Variants in TENM1 observed in about 807,000 individuals in gnomAD.
The protein encoded by TENM1 is teneurin transmembrane protein 1.
In TENM1, 35 loss-of-function variants were observed where a neutral mutation model predicts 174.8. That is an observed-to-expected ratio of 0.20 (90% CI 0.15 to 0.27). The LOEUF is 0.27. TENM1 is among the 10% of genes least tolerant of loss of function. TENM1 has a pLI of 1.00. For synonymous variants in TENM1, 781 were observed against 798.7 expected, an observed-to-expected ratio of 0.98 and a Z score of 0.37; for missense variants, 1,633 against 2,130.1, an observed-to-expected ratio of 0.77 and a Z score of 4.59.
chrX:125,011,915 T>C, the TENM1 span, among the ~76,000 whole-genome samples: 3 of 111,415 alleles, frequency 2.7e-5, no homozygotes, highest in Non-Finnish European at 5.7e-5. Flanking sequence ...CTATTTACAA[T>C]AGCAAAGACA....
At chrX:124,938,687 C>T (rs759783975) in intron 1 of TENM1, among the ~76,000 whole-genome samples, 2 of 112,071 alleles carry the variant, frequency 1.8e-5, no homozygotes, top group East Asian at 2.8e-4. Flanking sequence ...CAGAAGACTA[C>T]TGAGAGTTTC....
rs1218054555 is a variant in TENM1 at position 124,389,092 on chromosome X, AT to A, written c.5688+2959del. On this transcript the variant is annotated intron_variant, in intron 28 of 31. Transcript: ENST00000422452. ...GAGAAAATTTAAGAAACAATAATTG[AT>A]TTTTTTAATAGGGAAGAGATCATTA... 2.7e-5 allele frequency among the ~76,000 whole-genome samples: 3 copies of A among 111,829 alleles called. 1 individual carries two copies. The highest frequency in any genetic ancestry group is 1.9e-4 in the Admixed American group (2 of 10,544).
the TENM1 span, among the ~76,000 whole-genome samples, chrX:125,132,289 G>C: frequency 9.0e-6 from 1 of 111,727 alleles, no homozygotes; most frequent in African/African-American, 3.3e-5. Context: ...TCTAGTGCAG[G>C]ATACACTGAG....
At chrX:124,807,888 C>CAG (rs1462100855) in intron 3 of TENM1, among the ~76,000 whole-genome samples, 10 of 107,951 alleles carry the variant, frequency 9.3e-5, no homozygotes, top group African/African-American at 3.0e-4. Context: ...TACACACACA[C>CAG]ACACACACAC....
the TENM1 span, among the ~76,000 whole-genome samples, chrX:125,199,889 G>A: frequency 9.0e-6 from 1 of 111,161 alleles, no homozygotes; most frequent in Non-Finnish European, 1.9e-5. Context: ...AATTTCCTCA[G>A]CCCTATTTTT....
At chrX:124,566,471 C>T (rs1026771298) in intron 11 of TENM1, among the ~76,000 whole-genome samples, 1 of 111,866 alleles carries the variant, frequency 8.9e-6, no homozygotes, top group Non-Finnish European at 1.9e-5. Flanking sequence ...CATGGCAAGC[C>T]TCTTTCGTGA....
intron 3 of TENM1, among the ~76,000 whole-genome samples, chrX:124,757,784 T>G (rs1244187302): frequency 2.7e-5 from 3 of 112,595 alleles, no homozygotes; most frequent in Non-Finnish European, 5.6e-5. Flanking sequence ...TTATTTTATA[T>G]TTTATGGATT....
At chrX:124,445,615 C>CTGGCTG (rs1472021248) in intron 23 of TENM1, among the ~76,000 whole-genome samples, 1 of 112,352 alleles carries the variant, frequency 8.9e-6, no homozygotes, top group Non-Finnish European at 1.9e-5. Context: ...TTATGAAGCC[C>CTGGCTG]TGGCTGTGTA....
rs141609373 is a variant in TENM1, at chrX:124,523,550, T to C, written c.2847A>G (p.Arg949=). The C allele has an allele frequency of 6.4e-5, 77 of 1,209,673 alleles. No homozygotes were observed. In the African/African-American group the frequency reaches 1.3e-3, roughly 20 times the overall value. The change falls in exon 17 of 32, where the codon AGA becomes AGG. Residue 949 remains arginine (R), a synonymous_variant. Transcript: ENST00000422452. ...ACTGATTCCAAGGCAACCAGAGTGTTCTCTTCTCAGGCAGGAAAGGGGATC... is the reference window on the plus strand; with the variant it reads ...ACTGATTCCAAGGCAACCAGAGTGTCCTCTTCTCAGGCAGGAAAGGGGATC...
At chrX:124,392,458 C>A in intron 27 of TENM1, 110 bp from the exon 31 acceptor site, 1 of 609,391 alleles carries the variant, frequency 1.6e-6, no homozygotes. Flanking sequence ...GTCTGTCTTG[C>A]CTCTGAAGCC....
At chrX:124,917,533 C>T (rs1361395242) in intron 1 of TENM1, among the ~76,000 whole-genome samples, 1 of 111,399 alleles carries the variant, frequency 9.0e-6, no homozygotes, top group African/African-American at 3.3e-5. Flanking sequence ...TTAAACTGTC[C>T]TTCACTATAT....
chrX:125,158,939 CAA>C, the TENM1 span, among the ~76,000 whole-genome samples: 1 of 99,650 alleles, frequency 1.0e-5, no homozygotes, highest in Non-Finnish European at 2.1e-5. Flanking sequence ...TGTCTGATAA[CAA>C]AAAAAAAAAC....
chrX:124,654,017 A>G (rs2051376245), intron 6 of TENM1, among the ~76,000 whole-genome samples: 1 of 111,731 alleles, frequency 9.0e-6, no homozygotes, highest in East Asian at 2.8e-4. Context: ...ATTTATTTCA[A>G]TCAATTTCAC....
At chrX:124,414,457 C>T (rs1175228377) in intron 25 of TENM1, among the ~76,000 whole-genome samples, 1 of 110,720 alleles carries the variant, frequency 9.0e-6, no homozygotes, top group African/African-American at 3.3e-5. Flanking sequence ...TCAGCTGCTG[C>T]GGGGTTATTA....
intron 1 of TENM1, among the ~76,000 whole-genome samples, chrX:124,929,245 C>G (rs182581046): frequency 9.0e-6 from 1 of 111,727 alleles, no homozygotes; most frequent in East Asian, 2.8e-4. Context: ...CACCCTCCCT[C>G]GAATGTGGCA....
intron 3 of TENM1, among the ~76,000 whole-genome samples, chrX:124,840,595 A>G (rs2056477803): frequency 8.9e-6 from 1 of 111,873 alleles, no homozygotes; most frequent in Non-Finnish European, 1.9e-5. Context: ...GCACAAAAAA[A>G]TAAAGAGAGG....
At chrX:124,878,049 G>T (rs953065914) in intron 3 of TENM1, among the ~76,000 whole-genome samples, 1 of 111,265 alleles carries the variant, frequency 9.0e-6, no homozygotes, top group African/African-American at 3.3e-5. Flanking sequence ...AACTGATCTT[G>T]CTGTCTCAGG....
the TENM1 span, among the ~76,000 whole-genome samples, chrX:125,165,735 ATT>A: frequency 1.8e-5 from 2 of 111,495 alleles, no homozygotes; most frequent in Non-Finnish European, 3.8e-5. Context: ...TTTGGAAAAC[ATT>A]TTGTCTTCTC....
chrX:124,656,513 A>G (rs1451934539), intron 6 of TENM1, among the ~76,000 whole-genome samples: 3 of 112,296 alleles, frequency 2.7e-5, no homozygotes, highest in African/African-American at 9.7e-5. Flanking sequence ...CTGTAATTTA[A>G]ATAAAAATAG....
Sources: gnomAD v4.1 joint callset for allele counts (sites outside exome capture counted in the v4.1 genomes callset) on GRCh38, gnomAD v4.1.1 for gene constraint, MANE v1.5 for transcripts, NCBI Gene and HGNC (gene_info 2026-07-23, HGNC 2026-07-21) for gene names.